The following PAPPA variants were observed in gnomAD, a reference collection of about 807,000 sequenced individuals.
PAPPA encodes the protein pappalysin-1.
Under a neutral mutation model 164.0 loss-of-function variants are expected in PAPPA, and 60 were observed. The observed-to-expected ratio is 0.37, with a 90% CI of 0.30 to 0.45. The LOEUF is 0.45. PAPPA is among the 20% of genes least tolerant of loss of function. The pLI is 1.00. For missense variants in PAPPA, 1,782 were observed against 2,087.3 expected, an observed-to-expected ratio of 0.85 and a Z score of 2.85; for synonymous variants, 875 against 814.1, an observed-to-expected ratio of 1.07 and a Z score of -1.27.
chr9:116,240,242 T>C (rs1218780039), intron 7 of PAPPA, among the ~76,000 whole-genome samples: 1 of 152,196 alleles, frequency 6.6e-6, no homozygotes. Context: ...GAAATGGTGA[T>C]CCAGTGGTGC....
intron 9 of PAPPA, chr9:116,288,830 A>C (rs1239412777): frequency 2.0e-5 from 3 of 151,948 alleles, no homozygotes; most frequent in Non-Finnish European, 4.4e-5. Flanking sequence ...GAGGTGAACC[A>C]AACCAGTCAG....
In PAPPA at chr9:116,399,271, A is replaced by G. The variant is rs1243660879; in HGVS notation, c.*2655A>G. 2 of 152,770 alleles carry G rather than the reference A, an allele frequency of 1.3e-5. No individual in the cohort carries two copies. The highest frequency in any genetic ancestry group is 2.9e-5 in the Non-Finnish European group (2 of 68,166). The allele number at this position is 152,770 out of a possible 1,614,324, so 9.5% of individuals were successfully genotyped here. A position where few individuals can be genotyped will look rare whatever the true frequency, so the allele number is the denominator to read the frequency against. ...AAGACCCACCCAGTCTCTTTCATTC[A>G]GACCTGTTGCTAACAAATTTATATT... On this transcript the variant is annotated 3_prime_UTR_variant, in exon 22 of 22. Transcript: ENST00000328252.
Position 116,188,077 on chromosome 9 carries a change from G to A in PAPPA, c.1339G>A (p.Ala447Thr). ...GGATTGCCGCCACCTGCGCCACCCT[G>A]CCTTCGTGAAGAAGCAGCACAACGG... The part of the protein sequence containing the change: ...GGDCRHLRHP[A>T]FVKKQHNGVC... The change falls in exon 2 of 22, where the codon GCC (alanine) becomes ACC (threonine). Residue 447 changes from alanine (A) to threonine (T), a missense_variant. Physicochemically the swap from Ala to Thr is moderately conservative, Grantham distance 58 (BLOSUM62 0). This residue lies in a region of PAPPA where 1,324 missense variants were observed against 1,656.9 expected (regional missense o/e 0.80). Transcript: ENST00000328252. The A allele has an allele frequency of 6.2e-7, 1 of 1,614,210 alleles. No homozygotes were observed. The highest frequency in any genetic ancestry group is 8.5e-7 in the Non-Finnish European group (1 of 1,180,040).
At chr9:116,316,644 G>A (rs1007574533) in intron 10 of PAPPA, 1 of 152,210 alleles carries the variant, frequency 6.6e-6, no homozygotes, top group Non-Finnish European at 1.5e-5. Context: ...TTCTACCTCT[G>A]AAGCCTGGAG....
chr9:116,320,260 C>T (rs570392910), intron 10 of PAPPA, among the ~76,000 whole-genome samples: 148 of 152,242 alleles, frequency 9.7e-4, no homozygotes, highest in African/African-American at 3.3e-3. Context: ...TGGGGAGGTG[C>T]CAGCCTGAAG....
At chr9:116,193,034 A>C (rs1489115992) in intron 2 of PAPPA, among the ~76,000 whole-genome samples, 1 of 152,150 alleles carries the variant, frequency 6.6e-6, no homozygotes, top group Non-Finnish European at 1.5e-5. Flanking sequence ...TGGGTGGAAA[A>C]AAAGACACTT....
intron 7 of PAPPA, among the ~76,000 whole-genome samples, chr9:116,261,236 A>G (rs962846827): frequency 6.6e-6 from 1 of 152,230 alleles, no homozygotes; most frequent in African/African-American, 2.4e-5. Flanking sequence ...CAGAGGATGA[A>G]GTTTTAAAGA....
intron 18 of PAPPA, among the ~76,000 whole-genome samples, chr9:116,363,565 G>T (rs903689290): frequency 4.6e-5 from 7 of 152,354 alleles, no homozygotes; most frequent in African/African-American, 1.2e-4. Context: ...AGTGCATGGA[G>T]TGTGACCTCA....
intron 21 of PAPPA, among the ~76,000 whole-genome samples, chr9:116,392,558 C>T (rs1250776711): frequency 6.6e-6 from 1 of 152,206 alleles, no homozygotes; most frequent in Non-Finnish European, 1.5e-5. Context: ...CCTGCATGAA[C>T]AGGTGTCCCC....
intron 2 of PAPPA, among the ~76,000 whole-genome samples, chr9:116,199,674 T>A (rs1250679722): frequency 6.6e-6 from 1 of 152,146 alleles, no homozygotes; most frequent in East Asian, 1.9e-4. Flanking sequence ...TTCCTGATTG[T>A]CTTAGTTTGC....
chr9:116,196,874 G>C (rs1017381423), intron 2 of PAPPA, among the ~76,000 whole-genome samples: 11 of 152,140 alleles, frequency 7.2e-5, no homozygotes, highest in African/African-American at 2.4e-4. Flanking sequence ...TGTGAGTTCA[G>C]GCAGCCAACT....
Position 116,400,730 on chromosome 9 carries a change from C to T in PAPPA, c.*4114C>T, listed in dbSNP as rs1375527979. On this transcript the variant is annotated 3_prime_UTR_variant, in exon 22 of 22. Coordinates refer to ENST00000328252, the MANE Select transcript of PAPPA (RefSeq NM_002581.5). Reference sequence around the variant, plus strand: ...AATGAATAAAAGCCTGTTCTTGTAACTTATTCAACTTTTGCCAAATTCCTA... The same window carrying T: ...AATGAATAAAAGCCTGTTCTTGTAATTTATTCAACTTTTGCCAAATTCCTA... The T allele has an allele frequency of 1.3e-5, 2 of 152,282 alleles. No homozygotes were observed. The highest frequency in any genetic ancestry group is 4.8e-5 in the African/African-American group (2 of 41,450). The allele number at this position is 152,282 out of a possible 1,614,324, so 9.4% of individuals were successfully genotyped here. A position where few individuals can be genotyped will look rare whatever the true frequency, so the allele number is the denominator to read the frequency against.
At chr9:116,290,365 C>CTT (rs5900198) in intron 9 of PAPPA, among the ~76,000 whole-genome samples, 2 of 147,404 alleles carry the variant, frequency 1.4e-5, no homozygotes, top group African/African-American at 5.0e-5. Context: ...GTTTCTCCAT[C>CTT]TTTTTTTTTT....
intron 7 of PAPPA, among the ~76,000 whole-genome samples, chr9:116,247,864 G>T (rs1157146726): frequency 1.3e-5 from 2 of 152,168 alleles, no homozygotes; most frequent in Non-Finnish European, 2.9e-5. Flanking sequence ...CACCAGCCTT[G>T]CTGTGGAACA....
chr9:116,194,704 T>A (rs954141041), intron 2 of PAPPA, among the ~76,000 whole-genome samples: 1 of 152,152 alleles, frequency 6.6e-6, no homozygotes, highest in African/African-American at 2.4e-5. Flanking sequence ...GTGAGACACC[T>A]GGTATGGTAC....
intron 20 of PAPPA, among the ~76,000 whole-genome samples, chr9:116,382,179 A>G (rs1199703317): frequency 6.6e-6 from 1 of 152,122 alleles, no homozygotes. Flanking sequence ...AAAACTGGGT[A>G]AGAGTCTTTA....
Position 116,153,891 on chromosome 9 carries a change from G to C in PAPPA, c.-282G>C, listed in dbSNP as rs934864181. On this transcript the variant is annotated 5_prime_UTR_variant, in exon 1 of 22. Transcript: ENST00000328252. ...AAAATAAAATGAAATAAAACAAGGAGGAAGGCAACCAGCTGTTAGGGGAAA... is the reference window on the plus strand; with the variant it reads ...AAAATAAAATGAAATAAAACAAGGACGAAGGCAACCAGCTGTTAGGGGAAA... 48 of 197,270 alleles carry C rather than the reference G, an allele frequency of 2.4e-4. No homozygotes were observed. Among genetic ancestry groups the C allele is most frequent in the African/African-American group, 1.0e-3 (44 of 42,550 alleles). The allele number at this position is 197,270 out of a possible 1,614,324, so 12.2% of individuals were successfully genotyped here.
chr9:116,157,707 G>A (rs763345336), intron 1 of PAPPA, among the ~76,000 whole-genome samples: 4 of 152,050 alleles, frequency 2.6e-5, no homozygotes, highest in Non-Finnish European at 4.4e-5. Flanking sequence ...GAGAGAATGT[G>A]TCTCATAAAC....
chr9:116,204,914 C>T (rs1844214118), intron 2 of PAPPA, among the ~76,000 whole-genome samples: 1 of 152,034 alleles, frequency 6.6e-6, no homozygotes, highest in Non-Finnish European at 1.5e-5. Flanking sequence ...AAAATCCTTT[C>T]AAGGCATAGG....
Sources: gnomAD v4.1 joint callset for allele counts (sites outside exome capture counted in the v4.1 genomes callset) on GRCh38, gnomAD v4.1.1 for gene constraint, gnomAD v4.1.1 regional missense constraint, MANE v1.5 for transcripts, NCBI Gene and HGNC (gene_info 2026-07-23, HGNC 2026-07-21) for gene names.